Variants in RBFOX1 observed in about 807,000 individuals in gnomAD.
RBFOX1 encodes RNA binding protein fox-1 homolog 1.
RBFOX1 carries 8 observed loss-of-function variants against 57.7 expected under a neutral mutation model. The ratio of observed to expected loss-of-function variants is 0.14; its 90% CI spans 0.08 to 0.25. RBFOX1 has a LOEUF of 0.25. Ranked by LOEUF, RBFOX1 falls within the 10% of genes least tolerant of loss-of-function variation. The probability of loss-of-function intolerance (pLI) is 1.00; values close to 1 mark genes in which losing one functional copy is unlikely to be tolerated. For missense variants in RBFOX1, 611 were observed against 548.5 expected (o/e 1.11, Z -1.14); for synonymous variants, 326 against 222.4 (o/e 1.47, Z -4.15).
At chr16:6,066,319 A>AAAAAAAAAAAAAAAAAT (rs2095762200) in intron 1 of RBFOX1, among the ~76,000 whole-genome samples, 1 of 146,750 alleles carries the variant, frequency 6.8e-6, no homozygotes, top group African/African-American at 2.6e-5. Context: ...AAAAAAAAAA[A>AAAAAAAAAAAAAAAAAT]AGGCATAATT....
At chr16:5,949,298 A>C (rs944216185) in intron 4 of RBFOX1, among the ~76,000 whole-genome samples, 1 of 152,088 alleles carries the variant, frequency 6.6e-6, no homozygotes, top group Non-Finnish European at 1.5e-5. Flanking sequence ...AGGCTGAGGC[A>C]GGCCGATCAC....
At chr16:7,661,600 A>T (rs2067749535) in intron 12 of RBFOX1, among the ~76,000 whole-genome samples, 1 of 152,102 alleles carries the variant, frequency 6.6e-6, no homozygotes, top group South Asian at 2.1e-4. Flanking sequence ...CTCAGCTGTG[A>T]TTCTACAGTT....
chr16:6,980,598 G>T (rs1288564578), intron 3 of RBFOX1, among the ~76,000 whole-genome samples: 1 of 152,188 alleles, frequency 6.6e-6, no homozygotes, highest in African/African-American at 2.4e-5. Flanking sequence ...TAAAATGGAG[G>T]TGGCAGGTTT....
chr16:6,543,795 A>C (rs1411847179), intron 2 of RBFOX1, among the ~76,000 whole-genome samples: 8 of 152,126 alleles, frequency 5.3e-5, no homozygotes, highest in Admixed American at 5.2e-4. Context: ...CTGAAGTGTC[A>C]CTACAGAGTC....
chr16:6,540,585 C>G (rs2096800462), intron 2 of RBFOX1, among the ~76,000 whole-genome samples: 1 of 120,306 alleles, frequency 8.3e-6, no homozygotes, highest in Non-Finnish European at 1.6e-5. Flanking sequence ...GTACTCCAGT[C>G]TGGGCAACAG....
At chr16:5,886,583 C>T (rs577861898) in intron 4 of RBFOX1, among the ~76,000 whole-genome samples, 5 of 152,154 alleles carry the variant, frequency 3.3e-5, no homozygotes, top group Non-Finnish European at 7.3e-5. Context: ...TGGAGGATGA[C>T]TCATTATTCA....
intron 2 of RBFOX1, among the ~76,000 whole-genome samples, chr16:5,502,597 G>A (rs1469652826): frequency 6.6e-6 from 1 of 152,202 alleles, no homozygotes; most frequent in Non-Finnish European, 1.5e-5. Flanking sequence ...AGCGAGAGGG[G>A]AGAAAATGCA....
chr16:5,884,428 C>G (rs2057843605), intron 4 of RBFOX1, among the ~76,000 whole-genome samples: 1 of 151,882 alleles, frequency 6.6e-6, no homozygotes, highest in Non-Finnish European at 1.5e-5. Context: ...CCACCAAAAT[C>G]CATCTGTTCC....
chr16:5,749,853 T>C (rs1167313458), intron 3 of RBFOX1, among the ~76,000 whole-genome samples: 1 of 152,214 alleles, frequency 6.6e-6, no homozygotes, highest in Admixed American at 6.5e-5. Flanking sequence ...TCTGAAGCCT[T>C]CTTCTCTCAA....
At chr16:6,289,025 C>G (rs188460172) in intron 1 of RBFOX1, among the ~76,000 whole-genome samples, 1 of 152,228 alleles carries the variant, frequency 6.6e-6, no homozygotes, top group East Asian at 1.9e-4. Context: ...AGAATCTGAA[C>G]AGAATGAGCT....
At chr16:6,509,488 A>G (rs1433636860) in intron 2 of RBFOX1, among the ~76,000 whole-genome samples, 2 of 152,162 alleles carry the variant, frequency 1.3e-5, no homozygotes, top group Non-Finnish European at 2.9e-5. Context: ...CACTTAAAAT[A>G]ATTGAACTCA....
At chr16:5,665,791 C>G (rs879350646) in intron 3 of RBFOX1, among the ~76,000 whole-genome samples, 2 of 152,226 alleles carry the variant, frequency 1.3e-5, no homozygotes, top group Non-Finnish European at 2.9e-5. Flanking sequence ...CGGGCACAGT[C>G]GTGCTCCCGG....
chr16:7,003,125 G>T (rs577254253), intron 3 of RBFOX1, among the ~76,000 whole-genome samples: 1 of 152,116 alleles, frequency 6.6e-6, no homozygotes, highest in East Asian at 1.9e-4. Context: ...TGCGTAAAAT[G>T]GGTTTAAAGA....
chr16:5,466,421 G>A (rs1485000258), intron 1 of RBFOX1, among the ~76,000 whole-genome samples: 1 of 152,102 alleles, frequency 6.6e-6, no homozygotes, highest in East Asian at 1.9e-4. Context: ...CAACGGAGGT[G>A]CTTGGCTGAT....
intron 3 of RBFOX1, among the ~76,000 whole-genome samples, chr16:6,863,760 C>G (rs1483105000): frequency 1.9e-5 from 1 of 54,012 alleles, no homozygotes; most frequent in East Asian, 7.0e-4. Context: ...TTTACCAAAA[C>G]CAAATACAAC....
intron 3 of RBFOX1, among the ~76,000 whole-genome samples, chr16:5,764,768 C>G (rs981924589): frequency 5.9e-5 from 9 of 151,542 alleles, no homozygotes; most frequent in African/African-American, 1.9e-4. Context: ...GAAAATCTGC[C>G]CTGCCTACCT....
intron 2 of RBFOX1, among the ~76,000 whole-genome samples, chr16:6,564,122 C>T (rs879324137): frequency 6.6e-6 from 1 of 152,066 alleles, no homozygotes; most frequent in Non-Finnish European, 1.5e-5. Context: ...GTGGATTGTT[C>T]TAGGCTCTTT....
At chr16:7,376,684 G>C (rs1334082858) in intron 4 of RBFOX1, among the ~76,000 whole-genome samples, 1 of 152,172 alleles carries the variant, frequency 6.6e-6, no homozygotes, top group East Asian at 1.9e-4. Context: ...CATGGTTCAT[G>C]CAGCAGAGGA....
chr16:7,440,460 G>A (rs964406574), intron 4 of RBFOX1, among the ~76,000 whole-genome samples: 3 of 152,154 alleles, frequency 2.0e-5, no homozygotes, highest in African/African-American at 7.2e-5. Context: ...CCCAGTTAAT[G>A]ATGGGTATGG....
Sources: gnomAD v4.1 joint callset for allele counts (sites outside exome capture counted in the v4.1 genomes callset) on GRCh38, gnomAD v4.1.1 for gene constraint, MANE v1.5 for transcripts, NCBI Gene and HGNC (gene_info 2026-07-23, HGNC 2026-07-21) for gene names.